SUSD5: variants seen among roughly 807,000 people sequenced by gnomAD.
SUSD5 encodes the protein sushi domain-containing protein 5.
A neutral mutation model predicts 29.5 loss-of-function variants in SUSD5; 33 were observed. The ratio of observed to expected loss-of-function variants is 1.12; its 90% CI spans 0.85 to 1.49. The LOEUF is 1.49. Among genes scored for constraint, SUSD5 ranks in the 40% most tolerant of loss-of-function variants. The pLI is 0.00. For synonymous variants in SUSD5, 308 were observed against 325.3 expected (o/e 0.95, Z 0.57); for missense variants, 776 against 800.6 (o/e 0.97, Z 0.37).
At chr3:33,158,134 T>C (rs920530321) in intron 4 of SUSD5, among the ~76,000 whole-genome samples, 1 of 152,166 alleles carries the variant, frequency 6.6e-6, no homozygotes, top group Admixed American at 6.5e-5. Flanking sequence ...ATCCCAAGCT[T>C]CTCTTCATTG....
intron 3 of SUSD5, among the ~76,000 whole-genome samples, chr3:33,203,028 T>C (rs1422801514): frequency 1.3e-5 from 2 of 152,204 alleles, no homozygotes; most frequent in African/African-American, 2.4e-5. Context: ...GGAGGAATAC[T>C]GCACGGAAGC....
At chr3:33,199,948 A>C (rs1412078690) in intron 3 of SUSD5, among the ~76,000 whole-genome samples, 1 of 152,246 alleles carries the variant, frequency 6.6e-6, no homozygotes, top group African/African-American at 2.4e-5. Context: ...ACTTTCTGCC[A>C]TGTAAAGAAG....
intron 3 of SUSD5, among the ~76,000 whole-genome samples, chr3:33,184,155 G>GGGT (rs1454308510): frequency 7.9e-5 from 12 of 151,524 alleles, no homozygotes; most frequent in Admixed American, 3.3e-4. Context: ...GGCCAGGCAG[G>GGGT]TCTCGAACTC....
chr3:33,177,185 T>C (rs1001779048), intron 3 of SUSD5, among the ~76,000 whole-genome samples: 3 of 152,208 alleles, frequency 2.0e-5, no homozygotes, highest in African/African-American at 4.8e-5. Context: ...CCTTGAGAAG[T>C]AGGATATAAA....
chr3:33,166,882 T>C (rs1233852361), intron 4 of SUSD5, among the ~76,000 whole-genome samples: 1 of 152,134 alleles, frequency 6.6e-6, no homozygotes, highest in Non-Finnish European at 1.5e-5. Context: ...CCTCCTGTGT[T>C]ACCCATCCCA....
intron 4 of SUSD5, among the ~76,000 whole-genome samples, chr3:33,156,045 CTT>C (rs924820623): frequency 2.8e-5 from 4 of 145,268 alleles, no homozygotes; most frequent in Admixed American, 6.9e-5. Context: ...AAAAATGCAT[CTT>C]TTTTTTTTTT....
chr3:33,199,831 T>G (rs900710709), intron 3 of SUSD5, among the ~76,000 whole-genome samples: 1 of 152,208 alleles, frequency 6.6e-6, no homozygotes, highest in Non-Finnish European at 1.5e-5. Context: ...TCATTGCCAT[T>G]GTAACAGTAT....
At chr3:33,164,142 C>A (rs555938870) in intron 4 of SUSD5, among the ~76,000 whole-genome samples, 50 of 152,188 alleles carry the variant, frequency 3.3e-4, no homozygotes, top group African/African-American at 9.9e-4. Context: ...CCACGGCACT[C>A]CAGCCTGGGC....
In SUSD5 at chr3:33,152,683, T is replaced by G. The variant is rs1002726258; in HGVS notation, c.*59A>C. The G allele has an allele frequency of 1.5e-5, 22 of 1,500,892 alleles. No homozygotes were observed. In the African/African-American group the frequency reaches 2.2e-4, roughly 15 times the overall value. 93.0% of individuals were successfully genotyped at this position (1,500,892 alleles called of 1,614,324 possible). A position where few individuals can be genotyped will look rare whatever the true frequency, so the allele number is the denominator to read the frequency against. On this transcript the variant is annotated 3_prime_UTR_variant, in exon 5 of 5. Coordinates refer to ENST00000309558, the MANE Select transcript of SUSD5 (RefSeq NM_015551.2). The stretch of plus-strand genomic sequence containing the variant: ...CGTCATGCTCTAGTGAATTATCGTG[T>G]GATGTGTCACAGTTATTTTCCTCCC...
chr3:33,174,865 G>A (rs57072412), intron 4 of SUSD5, 21 bp downstream of exon 4: 580,655 of 1,610,208 alleles, frequency 0.36, 109,345 homozygotes, highest in Middle Eastern at 0.43. Context: ...CGCGAAGGTG[G>A]CCCATCCCTG....
intron 4 of SUSD5, among the ~76,000 whole-genome samples, chr3:33,161,121 A>G (rs1411925853): frequency 6.6e-6 from 1 of 152,228 alleles, no homozygotes. Context: ...GGAAGGAAAG[A>G]ACAATGAAAT....
Position 33,218,746 on chromosome 3 carries a change from C to CG in SUSD5, c.51dup (p.Gly18ArgfsTer85). ...AGGAGCAGCGCCGCCGCCCAGAGCC[C>CG]GGGGAGGCGTCTGTGCCAACGGGCA... On this transcript the variant is annotated frameshift_variant, in exon 1 of 5. Coordinates refer to ENST00000309558, the MANE Select transcript of SUSD5 (RefSeq NM_015551.2). LOFTEE classifies it high-confidence loss of function. 7.2e-7 allele frequency: 1 copy of CG among 1,388,524 alleles called. No homozygotes were observed. Among genetic ancestry groups the CG allele is most frequent in the Non-Finnish European group, 9.3e-7 (1 of 1,077,882 alleles). The allele number at this position is 1,388,524 out of a possible 1,614,324, so 86.0% of individuals were successfully genotyped here. A position where few individuals can be genotyped will look rare whatever the true frequency, so the allele number is the denominator to read the frequency against.
At chr3:33,168,674 GAA>G in intron 4 of SUSD5, 1 of 829,188 alleles carries the variant, frequency 1.2e-6, no homozygotes, top group African/African-American at 1.8e-5. Flanking sequence ...TTTTGAGACA[GAA>G]TCTCACTCCG....
At chr3:33,183,800 C>T (rs76165820) in intron 3 of SUSD5, among the ~76,000 whole-genome samples, 5,135 of 151,948 alleles carry the variant, frequency 0.034, 127 homozygotes, top group Middle Eastern at 0.062. Flanking sequence ...GCCACAAATT[C>T]TCTCATTTTT....
chr3:33,182,153 T>A (rs1251480226), intron 3 of SUSD5, among the ~76,000 whole-genome samples: 1 of 152,238 alleles, frequency 6.6e-6, no homozygotes, highest in African/African-American at 2.4e-5. Context: ...AAAAATATTT[T>A]AAAATTCTCT....
At chr3:33,158,854 T>C (rs1205243288) in intron 4 of SUSD5, among the ~76,000 whole-genome samples, 1 of 152,172 alleles carries the variant, frequency 6.6e-6, no homozygotes, top group Non-Finnish European at 1.5e-5. Context: ...CATCACTTCA[T>C]GCACCAGCTA....
In SUSD5 at chr3:33,199,647, T is replaced by C. The variant is rs1482831399; in HGVS notation, c.409+8161A>G. On this transcript the variant is annotated intron_variant, in intron 3 of 4. Coordinates refer to ENST00000309558, the MANE Select transcript of SUSD5 (RefSeq NM_015551.2). Reference sequence around the variant, plus strand: ...GACCTGCATAATATGTCTTAGAAGATTTTTCATGTCATAGCTGTCACTCTG... The same window carrying C: ...GACCTGCATAATATGTCTTAGAAGACTTTTCATGTCATAGCTGTCACTCTG... Among the ~76,000 whole-genome samples the C allele has an allele frequency of 3.9e-5, 6 of 152,218 alleles. No individual in the cohort carries two copies. The South Asian group carries it at 1.2e-3, about 31-fold the overall frequency.
chr3:33,208,402 A>AT (rs201898467), intron 2 of SUSD5, among the ~76,000 whole-genome samples: 5 of 152,068 alleles, frequency 3.3e-5, no homozygotes, highest in Admixed American at 6.5e-5. Context: ...TTCCATTATA[A>AT]TTTTTTTCCC....
chr3:33,207,352 C>A (rs2125632228), intron 3 of SUSD5, among the ~76,000 whole-genome samples: 1 of 152,280 alleles, frequency 6.6e-6, no homozygotes, highest in Non-Finnish European at 1.5e-5. Context: ...CTGGTAGGCA[C>A]CTTTGCCTCT....
Sources: allele counts gnomAD v4.1 joint callset (sites outside exome capture counted in the v4.1 genomes callset), GRCh38; gene constraint gnomAD v4.1.1; transcripts MANE v1.5; gene names NCBI Gene and HGNC (gene_info 2026-07-23, HGNC 2026-07-21).